Variants in TMF1 observed in about 807,000 individuals in gnomAD.
TMF1 encodes TATA element modulatory factor.
A neutral mutation model predicts 126.5 loss-of-function variants in TMF1; 71 were observed. The ratio of observed to expected loss-of-function variants is 0.56; its 90% CI spans 0.46 to 0.68. The LOEUF is 0.68. Ranked by LOEUF, TMF1 falls within the 30% of genes least tolerant of loss-of-function variation. TMF1 has a pLI of 0.00. For missense variants in TMF1, 1,259 were observed against 1,253.2 expected (o/e 1.00, Z -0.07); for synonymous variants, 461 against 430.5 (o/e 1.07, Z -0.88).
At position 69,048,041 on chromosome 3, in the gene TMF1, T is replaced by C; in HGVS notation, c.664A>G (p.Thr222Ala). The C allele has an allele frequency of 1.2e-6, 2 of 1,614,102 alleles. No individual in the cohort carries two copies. Among genetic ancestry groups the C allele is most frequent in the Non-Finnish European group, 1.7e-6 (2 of 1,180,034 alleles). Residue 222 changes from threonine to alanine, a missense_variant, in exon 2 of 17, where the codon ACA becomes GCA. Transcript: ENST00000398559. ...TTAGGTTCCAAAGCTATGTCCTTTG[T>C]TTCTGCTGTGAGAGACTGCGTAGAC... Reference protein sequence around the residue: ...NTSTQSLTAETKDIALEPKEQ... With the variant: ...NTSTQSLTAEAKDIALEPKEQ...
At chr3:69,034,850 T>C (rs1045776508) in intron 9 of TMF1, 173 bp downstream of exon 9, 19 of 622,222 alleles carry the variant, frequency 3.1e-5, no homozygotes, top group Non-Finnish European at 4.3e-5. Context: ...TTTCCTTGTA[T>C]AATTTTTAAG....
chr3:69,026,250 A>C, intron 13 of TMF1, 153 bp from the exon 14 acceptor site: 1 of 530,642 alleles, frequency 1.9e-6, no homozygotes, highest in Middle Eastern at 3.7e-4. Flanking sequence ...GAAGAAAAAA[A>C]ACTTTTTTAA....
Position 69,047,518 on chromosome 3 carries a change from C to T in TMF1, c.1187G>A (p.Ser396Asn). The part of the protein sequence containing the change: ...IPTEEAEMEE[S>N]GRSATPVNCE... ...GTTAACAGGAGTTGCACTTCGTCCACTTTCTTCCATTTCTGCTTCCTCAGT... is the reference window on the plus strand; with the variant it reads ...GTTAACAGGAGTTGCACTTCGTCCATTTTCTTCCATTTCTGCTTCCTCAGT... The change falls in exon 2 of 17, where the codon AGT (serine) becomes AAT (asparagine). Residue 396 changes from serine (S) to asparagine (N), a missense_variant. Transcript: ENST00000398559. 1 of 1,614,198 alleles carries T rather than the reference C, an allele frequency of 6.2e-7. No homozygotes were observed. Among genetic ancestry groups the T allele is most frequent in the South Asian group, 1.1e-5 (1 of 91,084 alleles).
chr3:69,039,425 T>G (rs1024016304), intron 6 of TMF1, 126 bp downstream of exon 6: 1 of 1,088,162 alleles, frequency 9.2e-7, no homozygotes, highest in Non-Finnish European at 1.3e-6. Flanking sequence ...ATTTATCTAT[T>G]GTTTGAAAAA....
At chr3:69,047,043 T>C (rs182253596) in intron 2 of TMF1, among the ~76,000 whole-genome samples, 49 of 152,312 alleles carry the variant, frequency 3.2e-4, no homozygotes, top group Admixed American at 2.5e-3. Context: ...AAAATATTCC[T>C]TTCAAATTGA....
In TMF1 at chr3:69,048,568, AC is replaced by A. The variant is rs755149328; in HGVS notation, c.143-7del. 1.0e-5 allele frequency: 16 copies of A among 1,560,552 alleles called. No individual in the cohort carries two copies. Among genetic ancestry groups the A allele is most frequent in the Non-Finnish European group, 1.4e-5 (16 of 1,156,998 alleles). ...ACTGACAGGGGAACTTATTCCTTTA[AC>A]AAAAAAGTAAATATTAAAAAAGAAC... On this transcript the variant is annotated splice_polypyrimidine_tract_variant and splice_region_variant and intron_variant, in intron 1 of 16. Coordinates refer to ENST00000398559, the MANE Select transcript of TMF1 (RefSeq NM_007114.3).
rs765761104 is a variant in TMF1, at chr3:69,035,066, C to CGGAAA, written c.2200_2201insTTTCC (p.Arg734IlefsTer29). 6.2e-7 allele frequency: 1 copy of CGGAAA among 1,614,064 alleles called. No homozygotes were observed. The highest frequency in any genetic ancestry group is 2.2e-5 in the East Asian group (1 of 44,894). ...CTCATGGCGTAAATAATCCTCCTTT[C>CGGAAA]TGGCAGCCGCTTGTTCTGTACGCTG... On this transcript the variant is annotated frameshift_variant, in exon 9 of 17. Coordinates refer to ENST00000398559, the MANE Select transcript of TMF1 (RefSeq NM_007114.3). LOFTEE classifies it high-confidence loss of function.
At position 69,048,447 on chromosome 3, in the gene TMF1, C is replaced by T. The variant is rs549198603; in HGVS notation, c.258G>A (p.Arg86=). Residue 86 remains arginine (R), a synonymous_variant, in exon 2 of 17, where the codon CGG becomes CGA. Transcript: ENST00000398559. ...ASPKAITKPV[R]RTVVDESENF... ...TTTCAGATTCATCGACCACAGTCCT[C>T]CGAACTGGCTTTGTGATTGCTTTAG... 1.2e-4 allele frequency: 195 copies of T among 1,614,154 alleles called. 5 individuals carry two copies. The South Asian group carries it at 2.1e-3, about 17-fold the overall frequency.
At chr3:69,037,835 C>T (rs1252796160) in intron 8 of TMF1, among the ~76,000 whole-genome samples, 7 of 151,234 alleles carry the variant, frequency 4.6e-5, no homozygotes, top group African/African-American at 9.7e-5. Flanking sequence ...AAAAAAAATG[C>T]AAATCAACAC....
At position 69,039,699 on chromosome 3, in the gene TMF1, G is replaced by C. The variant is rs780682771; in HGVS notation, c.1685-6C>G. On this transcript the variant is annotated splice_region_variant and splice_polypyrimidine_tract_variant and intron_variant, in intron 5 of 16. Transcript: ENST00000398559. ...CTGTTTTGAAAGTTTTTCTCCTGGT[G>C]ATGGTAAAGAAGTATAAACTCAAAT... The C allele has an allele frequency of 1.2e-6, 2 of 1,607,888 alleles. No individual in the cohort carries two copies. Among genetic ancestry groups the C allele is most frequent in the African/African-American group, 2.7e-5 (2 of 74,492 alleles).
In TMF1 at chr3:69,052,127, G is replaced by C. The variant is rs1389524007; in HGVS notation, c.-41C>G. ...GGCAGTGGCGGCGGCAGCACCAAGCGGGAAGGCCTCAGGCCTGGGGAAGGG... is the reference window on the plus strand; with the variant it reads ...GGCAGTGGCGGCGGCAGCACCAAGCCGGAAGGCCTCAGGCCTGGGGAAGGG... On this transcript the variant is annotated 5_prime_UTR_variant, in exon 1 of 17. Coordinates refer to ENST00000398559, the MANE Select transcript of TMF1 (RefSeq NM_007114.3). The C allele has an allele frequency of 5.7e-6, 9 of 1,587,804 alleles. No homozygotes were observed. The highest frequency in any genetic ancestry group is 7.7e-6 in the Non-Finnish European group (9 of 1,170,092).
Position 69,026,086 on chromosome 3 carries a change from T to C in TMF1, c.2769A>G (p.Pro923=), listed in dbSNP as rs561748335. The C allele has an allele frequency of 2.6e-5, 42 of 1,613,506 alleles. No homozygotes were observed. Among genetic ancestry groups the C allele is most frequent in the Non-Finnish European group, 3.1e-5 (37 of 1,179,790 alleles). ...TGGTGGGAGTGCTAGAAACAGAAAA[T>C]GGCTTGCGTTCCTTAGGGAGTAAAA... is the stretch of plus-strand genomic sequence containing the variant. ...QETIKEKERK[P]FSVSSTPTMS... Residue 923 remains proline (P), a synonymous_variant, in exon 14 of 17, where the codon CCA becomes CCG. Transcript: ENST00000398559.
intron 11 of TMF1, among the ~76,000 whole-genome samples, 178 bp downstream of exon 11, chr3:69,029,637 C>T (rs563768041): frequency 1.3e-5 from 2 of 152,094 alleles, no homozygotes; most frequent in East Asian, 3.9e-4. Flanking sequence ...GAGTAGGTTT[C>T]GCCATGTTGG....
chr3:69,044,507 A>C lies in TMF1; in HGVS notation c.1436T>G (p.Phe479Cys). 1 of 1,590,434 alleles carries C rather than the reference A, an allele frequency of 6.3e-7. No individual in the cohort carries two copies. The highest frequency in any genetic ancestry group is 2.2e-5 in the East Asian group (1 of 44,604). Residue 479 changes from phenylalanine (F) to cysteine (C), a missense_variant, in exon 3 of 17, where the codon TTT becomes TGT. Coordinates refer to ENST00000398559, the MANE Select transcript of TMF1 (RefSeq NM_007114.3). ...SKEKALLEEAFDNLKDEMFRV... is the reference protein window; with the variant it reads ...SKEKALLEEACDNLKDEMFRV... ...GAATACTTACTCTTTCAGGTTATCA[A>C]AAGCTTCTTCTAGAAGTGCTTTTTC...
intron 5 of TMF1, 55 bp from the exon 6 acceptor site, chr3:69,039,748 A>G: frequency 6.5e-7 from 1 of 1,547,846 alleles, no homozygotes; most frequent in East Asian, 2.3e-5. Context: ...TAAAAATCTC[A>G]ATAGAATGTT....
chr3:69,043,747 T>C lies in TMF1; in HGVS notation c.1578+3A>G, dbSNP rs536724650. The C allele has an allele frequency of 1.9e-5, 30 of 1,601,508 alleles. No individual in the cohort carries two copies. The South Asian group carries it at 3.2e-4, about 17-fold the overall frequency. Reference sequence around the variant, plus strand: ...AATTAATATTACTTTAAATTTCAATTACCTTTTTAGCAGCATCTCTCTCTT... The same window carrying C: ...AATTAATATTACTTTAAATTTCAATCACCTTTTTAGCAGCATCTCTCTCTT... On this transcript the variant is annotated splice_donor_region_variant and intron_variant, in intron 4 of 16. Transcript: ENST00000398559.
chr3:69,040,039 T>C lies in TMF1; in HGVS notation c.1685-346A>G, dbSNP rs150766471. ...ACAATATGTGTCTGCTGATGTGATA[T>C]AGTTGTTCAATATCACCCAGATATT... On this transcript the variant is annotated intron_variant, in intron 5 of 16. Coordinates refer to ENST00000398559, the MANE Select transcript of TMF1 (RefSeq NM_007114.3). Among the ~76,000 whole-genome samples, 50 of 152,374 alleles carry C rather than the reference T, an allele frequency of 3.3e-4. No individual in the cohort carries two copies. In the East Asian group the frequency reaches 9.1e-3, roughly 28 times the overall value.
chr3:69,039,612 A>T lies in TMF1; in HGVS notation c.1766T>A (p.Met589Lys). ...AACTTTTTTGTTCAGCTTTGCAACC[A>T]TATTTTCATTCTCCTTGTCTTTAGC... is the stretch of plus-strand genomic sequence containing the variant. ...LRAKDKENEN[M>K]VAKLNKKVKE... Residue 589 changes from methionine (M) to lysine (K), a missense_variant, in exon 6 of 17, where the codon ATG becomes AAG. Transcript: ENST00000398559. 1 of 1,613,828 alleles carries T rather than the reference A, an allele frequency of 6.2e-7. No individual in the cohort carries two copies. The highest frequency in any genetic ancestry group is 8.5e-7 in the Non-Finnish European group (1 of 1,179,928).
chr3:69,048,416 A>C lies in TMF1; in HGVS notation c.289T>G (p.Phe97Val), dbSNP rs777661595. The C allele has an allele frequency of 6.8e-6, 11 of 1,614,194 alleles. No individual in the cohort carries two copies. In the South Asian group the frequency reaches 1.2e-4, roughly 18 times the overall value. The change falls in exon 2 of 17, where the codon TTC becomes GTC. Residue 97 changes from phenylalanine to valine, a missense_variant. Physicochemically the swap from Phe to Val is conservative, Grantham distance 50. Transcript: ENST00000398559. ...TCAGTTGGCGAGAGAAAGGCACTGA[A>C]GAAATTTTCAGATTCATCGACCACA... ...RTVVDESENF[F>V]SAFLSPTDVQ...
Sources: allele counts gnomAD v4.1 joint callset (sites outside exome capture counted in the v4.1 genomes callset), GRCh38; gene constraint gnomAD v4.1.1; transcripts MANE v1.5; gene names NCBI Gene and HGNC (gene_info 2026-07-23, HGNC 2026-07-21).